RIMS1: variants seen among roughly 807,000 people sequenced by gnomAD.
The protein encoded by RIMS1 is regulating synaptic membrane exocytosis protein 1.
In RIMS1, 83 loss-of-function variants were observed where a neutral mutation model predicts 214.1. That is an observed-to-expected ratio of 0.39 (90% CI 0.32 to 0.47). RIMS1 has a LOEUF of 0.47. Among genes scored for constraint, RIMS1 ranks in the 20% least tolerant of loss-of-function variants. The pLI, the probability that RIMS1 is intolerant of heterozygous loss-of-function variation, is 0.99. For missense variants in RIMS1, 2,050 were observed against 2,161.8 expected (o/e 0.95, Z 1.03); for synonymous variants, 793 against 786.8 (o/e 1.01, Z -0.13).
At chr6:71,980,734 A>C (rs1181516546) in intron 2 of RIMS1, among the ~76,000 whole-genome samples, 2 of 152,044 alleles carry the variant, frequency 1.3e-5, no homozygotes, top group East Asian at 1.9e-4. Context: ...AATAGATGAG[A>C]CATGGCTAAT....
chr6:72,317,973 T>C (rs981994792), intron 28 of RIMS1, among the ~76,000 whole-genome samples: 47 of 152,188 alleles, frequency 3.1e-4, no homozygotes, highest in African/African-American at 1.1e-3. Context: ...CATTATGTAA[T>C]AAATCTCTTT....
chr6:71,944,375 C>A (rs59458207), intron 1 of RIMS1, among the ~76,000 whole-genome samples: 11,231 of 152,216 alleles, frequency 0.074, 538 homozygotes, highest in Middle Eastern at 0.12. Context: ...GAGGTTGTAG[C>A]CTCCTACCTG....
chr6:72,037,083 T>C lies in RIMS1; in HGVS notation c.246-59866T>C, dbSNP rs144591243. 2.0e-5 allele frequency among the ~76,000 whole-genome samples: 3 copies of C among 152,036 alleles called. No homozygotes were observed. In the East Asian group the frequency reaches 5.8e-4, roughly 29 times the overall value. On this transcript the variant is annotated intron_variant, in intron 2 of 33. Transcript: ENST00000521978. ...GCCATCACCCTTTGCCATTATAAAA[T>C]CCTTAGTGAACTGAGTTATGTATAT...
intron 2 of RIMS1, among the ~76,000 whole-genome samples, chr6:72,019,890 G>T (rs910545153): frequency 1.3e-5 from 2 of 152,092 alleles, no homozygotes; most frequent in African/African-American, 4.8e-5. Context: ...TCCTAATGTG[G>T]TATTCACCAT....
At chr6:72,373,995 A>C (rs1357143327) in intron 29 of RIMS1, among the ~76,000 whole-genome samples, 2 of 152,148 alleles carry the variant, frequency 1.3e-5, no homozygotes, top group African/African-American at 4.8e-5. Flanking sequence ...GCTCACTGCA[A>C]CCTCTGCCTC....
intron 2 of RIMS1, among the ~76,000 whole-genome samples, chr6:71,982,052 G>A (rs1320288944): frequency 6.6e-6 from 1 of 151,914 alleles, no homozygotes; most frequent in Non-Finnish European, 1.5e-5. Context: ...GGCAAACCAA[G>A]CCGCTAAACA....
intron 25 of RIMS1, among the ~76,000 whole-genome samples, chr6:72,291,417 A>G (rs2093370159): frequency 6.6e-6 from 1 of 152,220 alleles, no homozygotes; most frequent in African/African-American, 2.4e-5. Context: ...GGATTATTTT[A>G]AATATCTTTC....
At chr6:72,283,390 A>T (rs1231036484) in intron 23 of RIMS1, among the ~76,000 whole-genome samples, 1 of 152,168 alleles carries the variant, frequency 6.6e-6, no homozygotes, top group Non-Finnish European at 1.5e-5. Flanking sequence ...GTACTTTTAA[A>T]AAGTAGAATA....
At chr6:71,908,606 G>A (rs1370478562) in intron 1 of RIMS1, among the ~76,000 whole-genome samples, 1 of 152,168 alleles carries the variant, frequency 6.6e-6, no homozygotes, top group Non-Finnish European at 1.5e-5. Context: ...AGGCTCTGAG[G>A]TGTTACAGAC....
intron 22 of RIMS1, 41 bp downstream of exon 22, chr6:72,266,090 T>C (rs751805716): frequency 4.3e-6 from 6 of 1,388,982 alleles, no homozygotes; most frequent in Non-Finnish European, 6.0e-6. Flanking sequence ...TCATTTGTAC[T>C]AGTGATTTTT....
chr6:72,036,150 G>A (rs997193615), intron 2 of RIMS1, among the ~76,000 whole-genome samples: 5 of 152,138 alleles, frequency 3.3e-5, no homozygotes, highest in African/African-American at 1.2e-4. Context: ...TAGCATGACT[G>A]TGGCAAAGAG....
intron 6 of RIMS1, among the ~76,000 whole-genome samples, chr6:72,183,782 A>G (rs2048705956): frequency 6.6e-6 from 1 of 152,160 alleles, no homozygotes. Context: ...ATAAAATAAG[A>G]AAAAGTTAGG....
chr6:72,097,037 G>T lies in RIMS1; in HGVS notation c.334G>T (p.Asp112Tyr). The change falls in exon 3 of 34, where the codon GAT becomes TAT. Residue 112 changes from aspartate (D) to tyrosine (Y), a missense_variant. Coordinates refer to ENST00000521978, the MANE Select transcript of RIMS1 (RefSeq NM_014989.7). ...ARRYQGEHKD[D>Y]APTCGICHKT... ...GCGTTACCAGGGCGAGCACAAAGACGATGCTCCGACTTGTGGAATCTGTCA... is the reference window on the plus strand; with the variant it reads ...GCGTTACCAGGGCGAGCACAAAGACTATGCTCCGACTTGTGGAATCTGTCA... 1 of 1,613,932 alleles carries T rather than the reference G, an allele frequency of 6.2e-7. No individual in the cohort carries two copies. The highest frequency in any genetic ancestry group is 8.5e-7 in the Non-Finnish European group (1 of 1,179,862).
chr6:72,072,715 C>G (rs1048757716), intron 2 of RIMS1, among the ~76,000 whole-genome samples: 1 of 152,146 alleles, frequency 6.6e-6, no homozygotes, highest in Non-Finnish European at 1.5e-5. Context: ...CAGCTCCCAG[C>G]CCAGTAAAAT....
chr6:71,933,891 T>C (rs1372629848), intron 1 of RIMS1, among the ~76,000 whole-genome samples: 1 of 152,180 alleles, frequency 6.6e-6, no homozygotes, highest in East Asian at 1.9e-4. Flanking sequence ...AATTATTTAA[T>C]AATTTTATAA....
chr6:72,211,013 G>A (rs1176406348), intron 6 of RIMS1, among the ~76,000 whole-genome samples: 1 of 152,128 alleles, frequency 6.6e-6, no homozygotes, highest in Non-Finnish European at 1.5e-5. Flanking sequence ...AGATTAATGT[G>A]CATTGGGTTT....
intron 2 of RIMS1, among the ~76,000 whole-genome samples, chr6:72,056,506 AGTT>A (rs1826220867): frequency 6.6e-6 from 1 of 152,198 alleles, no homozygotes; most frequent in Non-Finnish European, 1.5e-5. Context: ...GCATAACTGA[AGTT>A]GTTGCTCTGA....
rs577345781 is a variant in RIMS1, at chr6:72,161,546, A to C, written c.472-18029A>C. Among the ~76,000 whole-genome samples, 89 of 138,018 alleles carry C rather than the reference A, an allele frequency of 6.4e-4. 10 individuals carry two copies. The highest frequency in any genetic ancestry group is 1.1e-3 in the Non-Finnish European group (65 of 60,574). 90.5% of individuals were successfully genotyped at this position (138,018 alleles called of 152,430 possible). On this transcript the variant is annotated intron_variant, in intron 4 of 33. Coordinates refer to ENST00000521978, the MANE Select transcript of RIMS1 (RefSeq NM_014989.7). ...ATTTAGTGCTATAAATTTCCCTCTAAACACTGCTTTGAATGTGTCCCAGAG... is the reference window on the plus strand; with the variant it reads ...ATTTAGTGCTATAAATTTCCCTCTACACACTGCTTTGAATGTGTCCCAGAG...
Position 72,401,013 on chromosome 6 carries a change from A to G in RIMS1, c.*299A>G. 3.5e-6 allele frequency: 1 copy of G among 283,694 alleles called. No individual in the cohort carries two copies. The highest frequency in any genetic ancestry group is 6.6e-5 in the South Asian group (1 of 15,162). The allele number at this position is 283,694 out of a possible 1,614,324, so 17.6% of individuals were successfully genotyped here. The stretch of plus-strand genomic sequence containing the variant: ...CATACACGTACACACACACATGCAC[A>G]CACACACACACCAAATTGAACAAAC... On this transcript the variant is annotated 3_prime_UTR_variant, in exon 34 of 34. Coordinates refer to ENST00000521978, the MANE Select transcript of RIMS1 (RefSeq NM_014989.7).
Sources: allele counts gnomAD v4.1 joint callset (sites outside exome capture counted in the v4.1 genomes callset), GRCh38; gene constraint gnomAD v4.1.1; transcripts MANE v1.5; gene names NCBI Gene and HGNC (gene_info 2026-07-23, HGNC 2026-07-21).